RNF213: variants seen among roughly 807,000 people sequenced by gnomAD.
The protein encoded by RNF213 is ring finger protein 213.
RNF213 carries 341 observed loss-of-function variants against 514.4 expected under a neutral mutation model. That is an observed-to-expected ratio of 0.66 (90% CI 0.61 to 0.73). RNF213 has a LOEUF of 0.73. Among genes scored for constraint, RNF213 ranks in the 30% least tolerant of loss-of-function variants. The pLI, the probability that RNF213 is intolerant of heterozygous loss-of-function variation, is 0.00. For missense variants in RNF213, 5,767 were observed against 6,615.6 expected, an observed-to-expected ratio of 0.87 and a Z score of 4.45; for synonymous variants, 2,655 against 2,658.2, an observed-to-expected ratio of 1.00 and a Z score of 0.04.
intron 51 of RNF213, among the ~76,000 whole-genome samples, 189 bp from the exon 52 acceptor site, chr17:80,376,112 T>C (rs1207481451): frequency 2.0e-5 from 3 of 152,206 alleles, no homozygotes; most frequent in Non-Finnish European, 4.4e-5. Context: ...TCAAAATTAA[T>C]GCTTACGTAT....
chr17:80,335,571 T>C (rs572444299), intron 22 of RNF213, among the ~76,000 whole-genome samples: 2 of 152,336 alleles, frequency 1.3e-5, no homozygotes, highest in Non-Finnish European at 2.9e-5. Flanking sequence ...TTCTTTTTGT[T>C]TAAATGGTAA....
intron 2 of RNF213, among the ~76,000 whole-genome samples, chr17:80,266,122 T>C (rs1375966482): frequency 2.0e-5 from 3 of 151,912 alleles, no homozygotes; most frequent in Admixed American, 6.6e-5. Flanking sequence ...GAGTCTTTGT[T>C]TGGTTGGCTG....
In RNF213 at chr17:80,339,972, A is replaced by G. The variant is rs2078103130; in HGVS notation, c.5605A>G (p.Thr1869Ala). Residue 1869 changes from threonine (T) to alanine (A), a missense_variant, in exon 26 of 68, where the codon ACC becomes GCC. Thr to Ala is a moderately conservative substitution (Grantham distance 58). Coordinates refer to ENST00000582970, the MANE Select transcript of RNF213 (RefSeq NM_001256071.3). ...TGAGGTGCTGCTCTGCACCCCGGCAACCACCTTTGAGGAGGTGGCACTGTT... is the reference window on the plus strand; with the variant it reads ...TGAGGTGCTGCTCTGCACCCCGGCAGCCACCTTTGAGGAGGTGGCACTGTT... ...YDEVLLCTPA[T>A]TFEEVALLLR... is the part of the protein sequence containing the mutation. The G allele has an allele frequency of 1.3e-6, 2 of 1,537,042 alleles. No individual in the cohort carries two copies. The highest frequency in any genetic ancestry group is 1.4e-5 in the African/African-American group (1 of 72,990).
rs2043534099 is a variant in RNF213, at chr17:80,264,319, G to A, written c.97+541G>A. Among the ~76,000 whole-genome samples the A allele has an allele frequency of 6.6e-6, 1 of 152,076 alleles. No homozygotes were observed. Among genetic ancestry groups the A allele is most frequent in the Admixed American group, 6.6e-5 (1 of 15,266 alleles). ...TGCCTGGGTTAGTTTTTGAGGGGCCGTGAGGGGGCCCCAGGACCTGTCCAG... is the reference window on the plus strand; with the variant it reads ...TGCCTGGGTTAGTTTTTGAGGGGCCATGAGGGGGCCCCAGGACCTGTCCAG... On this transcript the variant is annotated intron_variant, in intron 2 of 67. Coordinates refer to ENST00000582970, the MANE Select transcript of RNF213 (RefSeq NM_001256071.3). The surrounding 1 kb of genome is among the most constrained non-coding windows in gnomAD (Gnocchi z 5.0).
At chr17:80,272,162 T>G (rs763805489) in intron 2 of RNF213, among the ~76,000 whole-genome samples, 2 of 151,700 alleles carry the variant, frequency 1.3e-5, no homozygotes, top group Non-Finnish European at 2.9e-5. Flanking sequence ...CATGCACCTG[T>G]AATCCCAGCT....
chr17:80,340,351 G>T lies in RNF213; in HGVS notation c.5984G>T (p.Gly1995Val), dbSNP rs2078115845. The change falls in exon 26 of 68, where the codon GGT becomes GTT. Residue 1995 changes from glycine to valine, a missense_variant. This residue lies in a region of RNF213 where 1,377 missense variants were observed against 1,635.2 expected (regional missense o/e 0.84). Coordinates refer to ENST00000582970, the MANE Select transcript of RNF213 (RefSeq NM_001256071.3). ...GGGATCGTGGCCTCGGAGCGAGCAG[G>T]TGTTGGTAAGGAGAGCGGCAGGGTG... ...CVGIVASERA[G>V]VGKSLYVKRL... is the part of the protein sequence containing the mutation. 2 of 1,611,214 alleles carry T rather than the reference G, an allele frequency of 1.2e-6. No individual in the cohort carries two copies. The highest frequency in any genetic ancestry group is 1.7e-6 in the Non-Finnish European group (2 of 1,179,752).
chr17:80,344,540 A>G (rs2144114741), intron 28 of RNF213, 138 bp from the exon 29 acceptor site: 1 of 938,012 alleles, frequency 1.1e-6, no homozygotes, highest in South Asian at 1.4e-5. Flanking sequence ...GGAAAAAAAG[A>G]CTATACAGAA....
rs1467253599 is a variant in RNF213 at position 80,264,881 on chromosome 17, T to C, written c.97+1103T>C. Reference sequence around the variant, plus strand: ...CCACCACCTTCTGGCCCTTCCTGGATACACCAGGTGTGCTTCCACCGCAGG... The same window carrying C: ...CCACCACCTTCTGGCCCTTCCTGGACACACCAGGTGTGCTTCCACCGCAGG... On this transcript the variant is annotated intron_variant, in intron 2 of 67. Transcript: ENST00000582970. The surrounding 1 kb of genome is among the most constrained non-coding windows in gnomAD (Gnocchi z 5.0). Among the ~76,000 whole-genome samples the C allele has an allele frequency of 6.6e-6, 1 of 152,070 alleles. No individual in the cohort carries two copies. The highest frequency in any genetic ancestry group is 2.4e-5 in the African/African-American group (1 of 41,394).
chr17:80,342,908 C>T (rs889863819), intron 26 of RNF213, among the ~76,000 whole-genome samples: 2 of 151,562 alleles, frequency 1.3e-5, no homozygotes, highest in South Asian at 2.1e-4. Flanking sequence ...CGGGTTCAAG[C>T]GATTCTCCTG....
At chr17:80,381,238 A>C (rs1436339740) in intron 56 of RNF213, 1 of 604,726 alleles carries the variant, frequency 1.7e-6, no homozygotes, top group African/African-American at 1.8e-5. Flanking sequence ...CACATCTGGG[A>C]GTAGAGAGGC....
At chr17:80,290,390 C>T (rs117221106) in intron 6 of RNF213, among the ~76,000 whole-genome samples, 180 bp from the exon 7 acceptor site, 3,660 of 145,880 alleles carry the variant, frequency 0.025, 54 homozygotes, top group Non-Finnish European at 0.037. Flanking sequence ...CACGTGTGTG[C>T]GTGTACGTGT....
intron 24 of RNF213, 39 bp from the exon 25 acceptor site, chr17:80,337,794 G>C: frequency 6.5e-7 from 1 of 1,536,472 alleles, no homozygotes. Flanking sequence ...CAGGTCTTCT[G>C]GCCCCAAGAA....
In RNF213 at chr17:80,287,924, C is replaced by A; in HGVS notation, c.371C>A (p.Ser124Ter). Residue 124 changes from serine (S) to a stop codon, truncating the protein, a stop_gained, in exon 4 of 68, where the codon TCA becomes TAA. Coordinates refer to ENST00000582970, the MANE Select transcript of RNF213 (RefSeq NM_001256071.3). LOFTEE classifies it high-confidence loss of function. ...PASPCHLTLLSNPWPQDTALP... is the reference protein window; with the variant it reads ...PASPCHLTLL ...AGCCCCTGTCACCTGACTTTGCTTT[C>A]AAACCCGTGGCCTCAGGACACAGCC... is the stretch of plus-strand genomic sequence containing the variant. 6.4e-7 allele frequency: 1 copy of A among 1,571,618 alleles called. No homozygotes were observed. The highest frequency in any genetic ancestry group is 8.6e-7 in the Non-Finnish European group (1 of 1,158,380).
Position 80,388,688 on chromosome 17 carries a change from A to G in RNF213, c.14999A>G (p.Gln5000Arg). The change falls in exon 64 of 68, where the codon CAG (glutamine) becomes CGG (arginine). Residue 5000 changes from glutamine to arginine, a missense_variant and splice_region_variant. Gln to Arg is a conservative substitution (Grantham distance 43). Transcript: ENST00000582970. ...ATGGACATCAAGAACAAAATGGCAC[A>G]GGTGATCCCGATAAACCTGATCCTG... ...LFMDIKNKMAQDSLPSSVISA... is the reference protein window; with the variant it reads ...LFMDIKNKMARDSLPSSVISA... 6.2e-7 allele frequency: 1 copy of G among 1,606,566 alleles called. No individual in the cohort carries two copies. Among genetic ancestry groups the G allele is most frequent in the Non-Finnish European group, 8.5e-7 (1 of 1,173,988 alleles).
chr17:80,308,957 A>T lies in RNF213; in HGVS notation c.2502-61A>T, dbSNP rs76934686. 3.0e-3 allele frequency: 4,836 copies of T among 1,601,878 alleles called. 73 individuals carry two copies. In the African/African-American group the frequency reaches 0.042, roughly 14 times the overall value. On this transcript the variant is annotated intron_variant, in intron 13 of 67. Transcript: ENST00000582970. Reference sequence around the variant, plus strand: ...AAGGAAGGAGCTAGTCATCAATGGTAACCATTTTCTGGCTTCTCCTAAATC... The same window carrying T: ...AAGGAAGGAGCTAGTCATCAATGGTTACCATTTTCTGGCTTCTCCTAAATC...
chr17:80,385,205 C>G (rs747829918), intron 60 of RNF213, 34 bp downstream of exon 60: 2 of 1,613,422 alleles, frequency 1.2e-6, no homozygotes, highest in Admixed American at 3.3e-5. Flanking sequence ...CAGGACTGTC[C>G]CGCATTTGGC....
intron 12 of RNF213, among the ~76,000 whole-genome samples, 162 bp downstream of exon 12, chr17:80,306,630 T>C (rs966376543): frequency 1.3e-5 from 2 of 152,048 alleles, no homozygotes; most frequent in African/African-American, 4.8e-5. Flanking sequence ...GGCGGGCAGA[T>C]CACGAGGTCA....
chr17:80,312,409 G>T (rs1324543496), intron 14 of RNF213, among the ~76,000 whole-genome samples: 1 of 151,880 alleles, frequency 6.6e-6, no homozygotes, highest in Non-Finnish European at 1.5e-5. Context: ...TGGGAGCACA[G>T]TGGGAAGGGG....
At chr17:80,301,246 T>G (rs1047295544) in intron 11 of RNF213, among the ~76,000 whole-genome samples, 13 of 152,156 alleles carry the variant, frequency 8.5e-5, no homozygotes, top group Admixed American at 5.9e-4. Context: ...ATTGCCTAGG[T>G]CTGGGCAAAG....
Sources: allele counts gnomAD v4.1 joint callset (sites outside exome capture counted in the v4.1 genomes callset), GRCh38; gene constraint gnomAD v4.1.1; regional missense constraint gnomAD v4.1.1; non-coding constraint Gnocchi (gnomAD v3.1); transcripts MANE v1.5; gene names NCBI Gene and HGNC (gene_info 2026-07-23, HGNC 2026-07-21).